Variants in CACNA2D3 observed in about 807,000 individuals in gnomAD.
CACNA2D3 encodes the protein calcium voltage-gated channel auxiliary subunit alpha2delta 3, also known as voltage-dependent calcium channel subunit alpha-2/delta-3.
In CACNA2D3, 60 loss-of-function variants were observed where a neutral mutation model predicts 160.6. That is an observed-to-expected ratio of 0.37 (90% confidence interval 0.30 to 0.46). CACNA2D3 has a LOEUF of 0.46. CACNA2D3 is among the 20% of genes least tolerant of loss of function. The pLI is 1.00. For synonymous variants in CACNA2D3, 558 were observed against 492.9 expected, an observed-to-expected ratio of 1.13 and a Z score of -1.75; for missense variants, 1,205 against 1,365.0, an observed-to-expected ratio of 0.88 and a Z score of 1.85.
intron 8 of CACNA2D3, among the ~76,000 whole-genome samples, chr3:54,571,718 G>C (rs1432261655): frequency 1.3e-5 from 2 of 151,840 alleles, no homozygotes; most frequent in Non-Finnish European, 2.9e-5. Flanking sequence ...GGGAGGTGGA[G>C]TAGTTGCTAT....
chr3:54,178,699 C>T (rs76548702), intron 2 of CACNA2D3, among the ~76,000 whole-genome samples: 2,520 of 152,264 alleles, frequency 0.017, 74 homozygotes, highest in African/African-American at 0.056. Context: ...TAATTGATAC[C>T]ATCAACAGAA....
intron 3 of CACNA2D3, among the ~76,000 whole-genome samples, chr3:54,382,070 A>G (rs979507250): frequency 6.6e-6 from 1 of 152,248 alleles, no homozygotes; most frequent in African/African-American, 2.4e-5. Flanking sequence ...GCTCAGTTCC[A>G]TAGGCTGGAG....
chr3:54,389,878 A>G (rs1699251181), intron 4 of CACNA2D3, among the ~76,000 whole-genome samples: 1 of 152,380 alleles, frequency 6.6e-6, no homozygotes, highest in South Asian at 2.1e-4. Context: ...CAAAGTTTTA[A>G]TATGGACTGT....
At chr3:54,931,918 C>T (rs1701200671) in intron 27 of CACNA2D3, among the ~76,000 whole-genome samples, 2 of 152,150 alleles carry the variant, frequency 1.3e-5, no homozygotes, top group South Asian at 2.1e-4. Flanking sequence ...CAGTGGTTCA[C>T]GCTTGCAATC....
At chr3:54,747,894 C>A (rs1701785001) in intron 11 of CACNA2D3, among the ~76,000 whole-genome samples, 1 of 152,188 alleles carries the variant, frequency 6.6e-6, no homozygotes, top group Non-Finnish European at 1.5e-5. Flanking sequence ...TCTCCATCAC[C>A]TTACTTTGCA....
intron 11 of CACNA2D3, among the ~76,000 whole-genome samples, chr3:54,682,345 G>A (rs2106916544): frequency 6.6e-6 from 1 of 152,286 alleles, no homozygotes; most frequent in South Asian, 2.1e-4. Context: ...AATAGAATTA[G>A]CCCGGGCGTG....
At chr3:54,216,278 C>G (rs1177796618) in intron 2 of CACNA2D3, among the ~76,000 whole-genome samples, 1 of 152,160 alleles carries the variant, frequency 6.6e-6, no homozygotes, top group East Asian at 1.9e-4. Context: ...TGTGAACTAC[C>G]AAGCTTTTTG....
chr3:54,563,626 GC>G (rs1324983040), intron 6 of CACNA2D3, among the ~76,000 whole-genome samples: 1 of 152,172 alleles, frequency 6.6e-6, no homozygotes, highest in East Asian at 1.9e-4. Flanking sequence ...TTTTAATTTT[GC>G]TTACAAGTTG....
Position 54,809,973 on chromosome 3 carries a change from A to T in CACNA2D3, c.1381-6880A>T, listed in dbSNP as rs548695456. 4.6e-5 allele frequency among the ~76,000 whole-genome samples: 7 copies of T among 152,354 alleles called. No individual in the cohort carries two copies. In the South Asian group the frequency reaches 1.4e-3, roughly 32 times the overall value. On this transcript the variant is annotated intron_variant, in intron 13 of 37. Coordinates refer to ENST00000474759, the MANE Select transcript of CACNA2D3 (RefSeq NM_018398.3). ...ATTACACAGTGCAACAAATGCTAAG[A>T]CAGGAATAAACAAGATGATATTATA...
intron 4 of CACNA2D3, among the ~76,000 whole-genome samples, chr3:54,433,383 T>C (rs1475523173): frequency 6.6e-6 from 1 of 152,200 alleles, no homozygotes; most frequent in Non-Finnish European, 1.5e-5. Context: ...ATTCTGGAAA[T>C]AGAGCTTTCA....
At chr3:54,408,055 C>T (rs1014365339) in intron 4 of CACNA2D3, among the ~76,000 whole-genome samples, 2 of 152,084 alleles carry the variant, frequency 1.3e-5, no homozygotes, top group Non-Finnish European at 2.9e-5. Context: ...TGTCTTTCTT[C>T]TCCTAGAACT....
chr3:55,028,659 A>G (rs1384528680), intron 35 of CACNA2D3, among the ~76,000 whole-genome samples: 1 of 151,716 alleles, frequency 6.6e-6, no homozygotes. Context: ...AAGAAAAATA[A>G]TTAATCAAAA....
Position 54,764,318 on chromosome 3 carries a change from TGTG to T in CACNA2D3, c.1351_1353del (p.Val451del). The stretch of plus-strand genomic sequence containing the variant: ...CCAAAGTCATCGACCAGGAGCATGA[TGTG>T]GTGTGGACCGAAGCTTACATTGACA... On this transcript the variant is annotated inframe_deletion, in exon 13 of 38. Transcript: ENST00000474759. The T allele has an allele frequency of 6.2e-7, 1 of 1,613,870 alleles. No homozygotes were observed. The highest frequency in any genetic ancestry group is 8.5e-7 in the Non-Finnish European group (1 of 1,179,834).
chr3:55,056,868 T>G (rs1009672454), intron 35 of CACNA2D3, among the ~76,000 whole-genome samples: 1 of 152,186 alleles, frequency 6.6e-6, no homozygotes, highest in African/African-American at 2.4e-5. Flanking sequence ...AAGGACTGTT[T>G]CTGGAGTTCT....
intron 3 of CACNA2D3, among the ~76,000 whole-genome samples, chr3:54,345,755 T>A (rs1343006780): frequency 6.6e-6 from 1 of 152,134 alleles, no homozygotes; most frequent in Non-Finnish European, 1.5e-5. Flanking sequence ...TCCACTGGCC[T>A]CTACCTTTGC....
intron 2 of CACNA2D3, among the ~76,000 whole-genome samples, chr3:54,242,597 T>C (rs755763702): frequency 4.7e-4 from 71 of 152,240 alleles, no homozygotes; most frequent in Non-Finnish European, 8.4e-4. Context: ...ACAGTCAATC[T>C]GCTCGCCCAG....
At chr3:54,779,306 A>G (rs747988282) in intron 13 of CACNA2D3, among the ~76,000 whole-genome samples, 9 of 152,062 alleles carry the variant, frequency 5.9e-5, no homozygotes, top group Non-Finnish European at 1.3e-4. Context: ...ACCATGTTGA[A>G]CAGGCTGGTC....
At chr3:54,687,115 C>CTTTTTTTTTTTTTTTTTTTTTT (rs1338617031) in intron 11 of CACNA2D3, among the ~76,000 whole-genome samples, 2 of 40,880 alleles carry the variant, frequency 4.9e-5, no homozygotes, top group African/African-American at 9.5e-5. Context: ...TTTTCTTTTT[C>CTTTTTTTTTTTTTTTTTTTTTT]TTTTTCTTTT....
chr3:55,028,099 A>G (rs1214740553), intron 35 of CACNA2D3, among the ~76,000 whole-genome samples: 1 of 152,024 alleles, frequency 6.6e-6, no homozygotes, highest in Admixed American at 6.6e-5. Context: ...GCTGCGTCCT[A>G]CTCCATTTCT....
Sources: gnomAD v4.1 joint callset for allele counts (sites outside exome capture counted in the v4.1 genomes callset) on GRCh38, gnomAD v4.1.1 for gene constraint, MANE v1.5 for transcripts, NCBI Gene and HGNC (gene_info 2026-07-23, HGNC 2026-07-21) for gene names.